JAKMIP1: variants seen among roughly 807,000 people sequenced by gnomAD.
JAKMIP1 encodes janus kinase and microtubule interacting protein 1, also known as janus kinase and microtubule-interacting protein 1.
A neutral mutation model predicts 113.0 loss-of-function variants in JAKMIP1; 33 were observed. The observed-to-expected ratio is 0.29, with a 90% CI of 0.22 to 0.39. The LOEUF (loss-of-function observed/expected upper bound fraction) is 0.39. Among genes scored for constraint, JAKMIP1 ranks in the 10% least tolerant of loss-of-function variants. JAKMIP1 has a pLI of 1.00. For synonymous variants in JAKMIP1, 480 were observed against 459.9 expected (o/e 1.04, Z -0.56); for missense variants, 813 against 1,080.5 (o/e 0.75, Z 3.47).
Position 6,185,176 on chromosome 4 carries a change from C to T in JAKMIP1, c.-148+15077G>A, listed in dbSNP as rs1045461568. ...AGCTTGCAGATGGCCTAATGTGGGGCTTCACCTTGTGATCTTGTGAGTCAA... is the reference window on the plus strand; with the variant it reads ...AGCTTGCAGATGGCCTAATGTGGGGTTTCACCTTGTGATCTTGTGAGTCAA... On this transcript the variant is annotated intron_variant, in intron 1 of 20. Transcript: ENST00000409021. This position sits in a 1 kb window ranked among gnomAD's most constrained non-coding sequence, Gnocchi z 5.3. 1.3e-5 allele frequency among the ~76,000 whole-genome samples: 2 copies of T among 152,224 alleles called. No individual in the cohort carries two copies. Among genetic ancestry groups the T allele is most frequent in the Non-Finnish European group, 2.9e-5 (2 of 68,040 alleles).
At chr4:6,113,542 G>A (rs1715278795) in intron 1 of JAKMIP1, among the ~76,000 whole-genome samples, 1 of 152,172 alleles carries the variant, frequency 6.6e-6, no homozygotes, top group Non-Finnish European at 1.5e-5. Context: ...TCCCTACTAG[G>A]TAGGTGATAT....
At position 6,081,587 on chromosome 4, in the gene JAKMIP1, C is replaced by G. The variant is rs2108822896; in HGVS notation, c.1101+22G>C. The G allele has an allele frequency of 6.2e-7, 1 of 1,613,726 alleles. No individual in the cohort carries two copies. Among genetic ancestry groups the G allele is most frequent in the Non-Finnish European group, 8.5e-7 (1 of 1,179,764 alleles). ...ACAGAGAAGGGAGTGTCAGGGCTGT[C>G]CCCAAGGGGTCCACAGCTCACCATT... On this transcript the variant is annotated intron_variant, in intron 6 of 20. Transcript: ENST00000409021. This position sits in a 1 kb window ranked among gnomAD's most constrained non-coding sequence, Gnocchi z 4.6.
chr4:6,159,128 GA>G (rs1722599329), intron 1 of JAKMIP1, among the ~76,000 whole-genome samples: 1 of 151,646 alleles, frequency 6.6e-6, no homozygotes, highest in African/African-American at 2.4e-5. Context: ...ACATAATGGT[GA>G]AAAAATAACA....
chr4:6,089,005 G>A lies in JAKMIP1; in HGVS notation c.625-3376C>T, dbSNP rs116709498. ...AACAGTAATTGCTTCAGGGATGGAT[G>A]CACAATCCAATCAGAACCAATGGCC... On this transcript the variant is annotated intron_variant, in intron 3 of 20. Transcript: ENST00000409021. This position sits in a 1 kb window ranked among gnomAD's most constrained non-coding sequence, Gnocchi z 5.3. Among the ~76,000 whole-genome samples, 1,005 of 152,348 alleles carry A rather than the reference G, an allele frequency of 6.6e-3. 11 individuals carry two copies. The highest frequency in any genetic ancestry group is 0.023 in the African/African-American group (967 of 41,584).
rs147975910 is a variant in JAKMIP1 at position 6,086,163 on chromosome 4, C to G, written c.625-534G>C. ...CCTGACTCCGTCACCCACTCCCAGA[C>G]TCACGACCTCCTGCTCCCTCTCCCC... On this transcript the variant is annotated intron_variant, in intron 3 of 20. Transcript: ENST00000409021. The surrounding 1 kb of genome is among the most constrained non-coding windows in gnomAD (Gnocchi z 4.1). 6.6e-6 allele frequency among the ~76,000 whole-genome samples: 1 copy of G among 152,268 alleles called. No homozygotes were observed. The highest frequency in any genetic ancestry group is 1.5e-5 in the Non-Finnish European group (1 of 68,014).
Position 6,084,866 on chromosome 4 carries a change from C to T in JAKMIP1, c.934G>A (p.Ala312Thr). The change falls in exon 5 of 21, where the codon GCA becomes ACA. Residue 312 changes from alanine to threonine, a missense_variant. Physicochemically the swap from Ala to Thr is moderately conservative, Grantham distance 58 (BLOSUM62 0). Transcript: ENST00000409021. ...CTTACCAGTTCATTCCTCTCATCTG[C>T]CAACAGCGTATTTCTGTCTTCCAGC... ...RKLEDRNTLLADERNELLKRS... is the reference protein window; with the variant it reads ...RKLEDRNTLLTDERNELLKRS... The T allele has an allele frequency of 6.2e-7, 1 of 1,607,702 alleles. No homozygotes were observed. Among genetic ancestry groups the T allele is most frequent in the Non-Finnish European group, 8.5e-7 (1 of 1,178,138 alleles).
rs988165608 is a variant in JAKMIP1 at position 6,142,783 on chromosome 4, T to A, written c.-147-29786A>T. Reference sequence around the variant, plus strand: ...GTTCATGAAGGCAGAGCTGGTTATGTGGCAGATCCTCCCAGGGGTACAAAT... The same window carrying A: ...GTTCATGAAGGCAGAGCTGGTTATGAGGCAGATCCTCCCAGGGGTACAAAT... On this transcript the variant is annotated intron_variant, in intron 1 of 20. Coordinates refer to ENST00000409021, the MANE Select transcript of JAKMIP1 (RefSeq NM_001099433.2). This position sits in a 1 kb window ranked among gnomAD's most constrained non-coding sequence, Gnocchi z 5.5. 3.9e-5 allele frequency among the ~76,000 whole-genome samples: 6 copies of A among 152,168 alleles called. No homozygotes were observed. The highest frequency in any genetic ancestry group is 5.9e-5 in the Non-Finnish European group (4 of 68,038).
In JAKMIP1 at chr4:6,076,338, A is replaced by G. The variant is rs1255161136; in HGVS notation, c.1302+2601T>C. ...TTGGTGGGAAAAGCTTGGGCCTTGT[A>G]GTCTCAGACTTGAGTTTGAAACTCA... On this transcript the variant is annotated intron_variant, in intron 8 of 20. Transcript: ENST00000409021. The surrounding 1 kb of genome is among the most constrained non-coding windows in gnomAD (Gnocchi z 4.8). Among the ~76,000 whole-genome samples, 1 of 152,190 alleles carries G rather than the reference A, an allele frequency of 6.6e-6. No homozygotes were observed. Among genetic ancestry groups the G allele is most frequent in the African/African-American group, 2.4e-5 (1 of 41,450 alleles).
intron 3 of JAKMIP1, among the ~76,000 whole-genome samples, chr4:6,090,117 G>A (rs974085451): frequency 6.6e-6 from 1 of 152,120 alleles, no homozygotes; most frequent in Non-Finnish European, 1.5e-5. Flanking sequence ...AGCTATTAGG[G>A]AGGCTGAGGC....
chr4:6,170,942 ACC>A (rs1724554134), intron 1 of JAKMIP1, among the ~76,000 whole-genome samples: 2 of 145,376 alleles, frequency 1.4e-5, no homozygotes, highest in African/African-American at 5.1e-5. Flanking sequence ...CACCACCACC[ACC>A]AGCATCCCCA....
At chr4:6,146,648 T>C (rs1327558116) in intron 1 of JAKMIP1, among the ~76,000 whole-genome samples, 1 of 152,206 alleles carries the variant, frequency 6.6e-6, no homozygotes, top group Non-Finnish European at 1.5e-5. Flanking sequence ...GTGAATGTAC[T>C]TAACACTACT....
chr4:6,098,700 GAA>G (rs773327045), intron 3 of JAKMIP1, among the ~76,000 whole-genome samples: 4 of 14,370 alleles, frequency 2.8e-4, no homozygotes, highest in Admixed American at 2.4e-3. Flanking sequence ...AAGAAAGAAA[GAA>G]AGAAAGAAAG....
rs566495001 is a variant in JAKMIP1 at position 6,185,438 on chromosome 4, G to C, written c.-148+14815C>G. Among the ~76,000 whole-genome samples, 1 of 152,218 alleles carries C rather than the reference G, an allele frequency of 6.6e-6. No individual in the cohort carries two copies. The highest frequency in any genetic ancestry group is 2.4e-5 in the African/African-American group (1 of 41,532). Reference sequence around the variant, plus strand: ...CGAGGTGGGCGGATCATGAGGTCAGGAGATCGAGACCATCCTGGCTAACAC... The same window carrying C: ...CGAGGTGGGCGGATCATGAGGTCAGCAGATCGAGACCATCCTGGCTAACAC... On this transcript the variant is annotated intron_variant, in intron 1 of 20. Transcript: ENST00000409021. The surrounding 1 kb of genome is among the most constrained non-coding windows in gnomAD (Gnocchi z 5.3).
intron 1 of JAKMIP1, among the ~76,000 whole-genome samples, chr4:6,159,553 T>C (rs1722654591): frequency 6.6e-6 from 1 of 152,116 alleles, no homozygotes; most frequent in Admixed American, 6.5e-5. Context: ...GAAACAATTC[T>C]CAAAAGAAGA....
intron 8 of JAKMIP1, chr4:6,070,238 C>G (rs931680206): frequency 1.0e-5 from 4 of 397,208 alleles, no homozygotes; most frequent in Non-Finnish European, 1.8e-5. Flanking sequence ...CATCCATTTT[C>G]AGGGCTTCCT....
Position 6,199,725 on chromosome 4 carries a change from G to C in JAKMIP1, c.-148+528C>G, listed in dbSNP as rs1483565777. The stretch of plus-strand genomic sequence containing the variant: ...GTGCGGGCTGGGCGGCCTCGCCTTC[G>C]GGCCCCGCGCCGCCGGGGCGCGGCC... On this transcript the variant is annotated intron_variant, in intron 1 of 20. Coordinates refer to ENST00000409021, the MANE Select transcript of JAKMIP1 (RefSeq NM_001099433.2). This position sits in a 1 kb window ranked among gnomAD's most constrained non-coding sequence, Gnocchi z 5.6. 6.6e-6 allele frequency among the ~76,000 whole-genome samples: 1 copy of C among 151,444 alleles called. No individual in the cohort carries two copies. The highest frequency in any genetic ancestry group is 1.5e-5 in the Non-Finnish European group (1 of 67,812).
In JAKMIP1 at chr4:6,185,510, T is replaced by C. The variant is rs1201331289; in HGVS notation, c.-148+14743A>G. ...AAAAATACAAAAAATTAGCCGGGCG[T>C]GGTGGCAGACGCCTGTAGTCCCAGC... is the stretch of plus-strand genomic sequence containing the variant. On this transcript the variant is annotated intron_variant, in intron 1 of 20. Transcript: ENST00000409021. This position sits in a 1 kb window ranked among gnomAD's most constrained non-coding sequence, Gnocchi z 5.3. Among the ~76,000 whole-genome samples, 3 of 152,038 alleles carry C rather than the reference T, an allele frequency of 2.0e-5. No individual in the cohort carries two copies. The highest frequency in any genetic ancestry group is 4.4e-5 in the Non-Finnish European group (3 of 68,010).
intron 1 of JAKMIP1, among the ~76,000 whole-genome samples, chr4:6,152,487 C>T (rs117515314): frequency 6.6e-4 from 101 of 152,240 alleles, no homozygotes; most frequent in East Asian, 1.4e-3. Context: ...TGTGTCCGCA[C>T]GAATAAAAGG....
chr4:6,054,782 G>A (rs561970834), intron 12 of JAKMIP1: 197 of 456,740 alleles, frequency 4.3e-4, no homozygotes, highest in Non-Finnish European at 6.9e-4. Flanking sequence ...AGCACCCATC[G>A]CCTGGCAGCA....
Sources: allele counts gnomAD v4.1 joint callset (sites outside exome capture counted in the v4.1 genomes callset), GRCh38; gene constraint gnomAD v4.1.1; non-coding constraint Gnocchi (gnomAD v3.1); transcripts MANE v1.5; gene names NCBI Gene and HGNC (gene_info 2026-07-23, HGNC 2026-07-21).